The following CFAP299 variants were observed in gnomAD, a reference collection of about 807,000 sequenced individuals.
CFAP299 encodes cilia and flagella associated protein 299, also known as cilia- and flagella-associated protein 299.
Under a neutral mutation model 27.0 loss-of-function variants are expected in CFAP299, and 21 were observed. The observed-to-expected ratio is 0.78, with a 90% CI of 0.55 to 1.12. CFAP299 has a LOEUF of 1.12. Ranked by LOEUF, CFAP299 falls within the 50% of genes most tolerant of loss-of-function variation. The pLI is 0.00. For synonymous variants in CFAP299, 104 were observed against 98.1 expected, an observed-to-expected ratio of 1.06 and a Z score of -0.36; for missense variants, 310 against 276.6, an observed-to-expected ratio of 1.12 and a Z score of -0.86.
intron 3 of CFAP299, among the ~76,000 whole-genome samples, chr4:80,822,169 A>G (rs1386510336): frequency 1.3e-5 from 2 of 152,106 alleles, no homozygotes; most frequent in Non-Finnish European, 2.9e-5. Flanking sequence ...TCGGGATCCA[A>G]CTTCTTATTT....
At chr4:80,658,750 G>A (rs1255243886) in intron 3 of CFAP299, among the ~76,000 whole-genome samples, 2 of 152,106 alleles carry the variant, frequency 1.3e-5, no homozygotes, top group Non-Finnish European at 2.9e-5. Flanking sequence ...CAATAGGGAA[G>A]TGTGAAAGAC....
At chr4:80,775,766 C>G (rs552096862) in intron 3 of CFAP299, among the ~76,000 whole-genome samples, 14 of 152,188 alleles carry the variant, frequency 9.2e-5, no homozygotes, top group South Asian at 2.1e-4. Context: ...ACATGTTTGT[C>G]TGGGATGCAA....
At chr4:80,617,456 C>A (rs1455834809) in intron 3 of CFAP299, among the ~76,000 whole-genome samples, 1 of 152,134 alleles carries the variant, frequency 6.6e-6, no homozygotes, top group African/African-American at 2.4e-5. Context: ...GAATGAATGA[C>A]TTGCTATGAA....
intron 2 of CFAP299, among the ~76,000 whole-genome samples, chr4:80,480,007 A>G: frequency 6.6e-6 from 1 of 152,092 alleles, no homozygotes; most frequent in Middle Eastern, 3.4e-3. Flanking sequence ...TTAAATAGTT[A>G]TATGCAGCTG....
intron 1 of CFAP299, among the ~76,000 whole-genome samples, 191 bp from the exon 2 acceptor site, chr4:80,362,563 T>C (rs1203461872): frequency 6.6e-6 from 1 of 152,046 alleles, no homozygotes; most frequent in Non-Finnish European, 1.5e-5. Context: ...CCAAATCAGA[T>C]GTGTATAAAT....
intron 3 of CFAP299, among the ~76,000 whole-genome samples, chr4:80,842,867 T>A (rs899509155): frequency 6.6e-6 from 1 of 152,144 alleles, no homozygotes; most frequent in Non-Finnish European, 1.5e-5. Context: ...TGAAGGGGTA[T>A]TCTTGCTAAC....
At chr4:80,387,450 C>A (rs1329672549) in intron 2 of CFAP299, 2 of 837,004 alleles carry the variant, frequency 2.4e-6, no homozygotes, top group Non-Finnish European at 4.1e-6. Context: ...ATGAGGACTA[C>A]CTGCTTGGGT....
intron 2 of CFAP299, among the ~76,000 whole-genome samples, chr4:80,559,869 T>A (rs191527554): frequency 3.9e-5 from 6 of 152,246 alleles, no homozygotes; most frequent in Non-Finnish European, 8.8e-5. Context: ...GTACTCTGTG[T>A]CTCCAAGTAA....
rs200507684 is a variant in CFAP299 at position 80,531,747 on chromosome 4, G to GTTT, written c.243-51325_243-51323dup. On this transcript the variant is annotated intron_variant, in intron 2 of 5. Coordinates refer to ENST00000358105, the MANE Select transcript of CFAP299 (RefSeq NM_152770.3). ...CCCATTTCTGACTGATAAGATAGAA[G>GTTT]TTTTTTTTTTTTTTTTTTTTTTTGA... 4.6e-3 allele frequency among the ~76,000 whole-genome samples: 540 copies of GTTT among 116,400 alleles called. 10 individuals are homozygous for GTTT. Among genetic ancestry groups the GTTT allele is most frequent in the African/African-American group, 0.014 (413 of 29,510 alleles). The allele number at this position is 116,400 out of a possible 152,430, so 76.4% of individuals were successfully genotyped here.
chr4:80,680,562 T>C (rs1207070278), intron 3 of CFAP299, among the ~76,000 whole-genome samples: 1 of 152,106 alleles, frequency 6.6e-6, no homozygotes, highest in African/African-American at 2.4e-5. Flanking sequence ...GCCTTCTAAG[T>C]AGAAGAGATG....
At chr4:80,684,994 G>T (rs1424328920) in intron 3 of CFAP299, among the ~76,000 whole-genome samples, 1 of 152,088 alleles carries the variant, frequency 6.6e-6, no homozygotes, top group East Asian at 1.9e-4. Context: ...AATAATGTAT[G>T]TATTATTTTC....
intron 2 of CFAP299, among the ~76,000 whole-genome samples, chr4:80,407,674 A>T (rs1173771056): frequency 2.0e-5 from 3 of 152,168 alleles, no homozygotes; most frequent in African/African-American, 7.2e-5. Context: ...AGAACTTGAA[A>T]ATTTGTATTG....
chr4:80,481,996 A>G (rs918557149), intron 2 of CFAP299, among the ~76,000 whole-genome samples: 2 of 152,030 alleles, frequency 1.3e-5, no homozygotes, highest in African/African-American at 2.4e-5. Flanking sequence ...AAATATGGAA[A>G]TGCACATGAT....
At chr4:80,714,990 C>G (rs574820680) in intron 3 of CFAP299, among the ~76,000 whole-genome samples, 1 of 152,142 alleles carries the variant, frequency 6.6e-6, no homozygotes, top group African/African-American at 2.4e-5. Context: ...TTCAAGCTAC[C>G]TAGAGTTCTT....
intron 2 of CFAP299, among the ~76,000 whole-genome samples, chr4:80,397,742 C>G (rs1725887218): frequency 6.6e-6 from 1 of 152,106 alleles, no homozygotes; most frequent in Non-Finnish European, 1.5e-5. Flanking sequence ...ACTGAGTGGG[C>G]ACAAACTGGA....
intron 2 of CFAP299, among the ~76,000 whole-genome samples, chr4:80,419,315 T>C (rs1727172852): frequency 6.6e-6 from 1 of 152,110 alleles, no homozygotes; most frequent in African/African-American, 2.4e-5. Context: ...TCCCTTGGGG[T>C]GGGCTGTTCA....
At chr4:80,440,001 G>T (rs1220928631) in intron 2 of CFAP299, among the ~76,000 whole-genome samples, 3 of 152,186 alleles carry the variant, frequency 2.0e-5, no homozygotes, top group Admixed American at 6.5e-5. Context: ...TGTCTCTGTA[G>T]ATTCCTCCTC....
At chr4:80,595,918 T>C (rs1030940755) in intron 3 of CFAP299, among the ~76,000 whole-genome samples, 1 of 152,210 alleles carries the variant, frequency 6.6e-6, no homozygotes, top group Non-Finnish European at 1.5e-5. Flanking sequence ...GAGAGTGGAT[T>C]TGACAGTGCG....
At chr4:80,761,942 A>T (rs1290427960) in intron 3 of CFAP299, among the ~76,000 whole-genome samples, 2 of 152,068 alleles carry the variant, frequency 1.3e-5, no homozygotes, top group African/African-American at 4.8e-5. Flanking sequence ...GTACAGAAAT[A>T]GACAAGCAGT....
Sources: allele counts gnomAD v4.1 joint callset (sites outside exome capture counted in the v4.1 genomes callset), GRCh38; gene constraint gnomAD v4.1.1; transcripts MANE v1.5; gene names NCBI Gene and HGNC (gene_info 2026-07-23, HGNC 2026-07-21).